ZNF638: variants seen among roughly 807,000 people sequenced by gnomAD.
The protein encoded by ZNF638 is CTCL tumor antigen se33-1.
ZNF638 carries 46 observed loss-of-function variants against 195.6 expected under a neutral mutation model. The observed-to-expected ratio is 0.24, with a 90% CI of 0.19 to 0.30. The LOEUF (loss-of-function observed/expected upper bound fraction) is 0.30. Among genes scored for constraint, ZNF638 ranks in the 10% least tolerant of loss-of-function variants. ZNF638 has a pLI of 1.00. For missense variants in ZNF638, 2,440 were observed against 2,325.3 expected (o/e 1.05, Z -1.01); for synonymous variants, 845 against 772.0 (o/e 1.09, Z -1.57).
intron 10 of ZNF638, among the ~76,000 whole-genome samples, chr2:71,384,761 C>G (rs2079604465): frequency 6.6e-6 from 1 of 151,872 alleles, no homozygotes; most frequent in African/African-American, 2.4e-5. Context: ...CTTTTCAGTT[C>G]CCAGCTGAAA....
Position 71,423,633 on chromosome 2 carries a change from T to A in ZNF638, c.4119T>A (p.Pro1373=), listed in dbSNP as rs763932879. 1.2e-6 allele frequency: 2 copies of A among 1,613,716 alleles called. No homozygotes were observed. The highest frequency in any genetic ancestry group is 2.7e-5 in the African/African-American group (2 of 74,868). ...PNKGVGQANK[P]DETSKTSILA... ...AAGGAGTGGGTCAGGCTAATAAGCC[T>A]GATGAAACTAGTAAAACTAGTATTC... is the stretch of plus-strand genomic sequence containing the variant. The change falls in exon 22 of 28, where the codon CCT becomes CCA. Residue 1373 remains proline, a synonymous_variant. Coordinates refer to ENST00000264447, the MANE Select transcript of ZNF638 (RefSeq NM_014497.5).
In ZNF638 at chr2:71,433,190, T is replaced by C. The variant is rs1465985894; in HGVS notation, c.5778T>C (p.Ala1926=). The C allele has an allele frequency of 6.2e-7, 1 of 1,613,478 alleles. No individual in the cohort carries two copies. The highest frequency in any genetic ancestry group is 1.3e-5 in the African/African-American group (1 of 74,938). ...AATTAGACTTTCTTGTACCTAAGGC[T>C]GGATTCTTCTGTCCAATTTGTTCCC... is the stretch of plus-strand genomic sequence containing the variant. ...PEELDFLVPK[A]GFFCPICSLF... Residue 1926 remains alanine, a synonymous_variant, in exon 27 of 28, where the codon GCT becomes GCC. Coordinates refer to ENST00000264447, the MANE Select transcript of ZNF638 (RefSeq NM_014497.5).
chr2:71,350,374 G>T (rs1043278362), intron 2 of ZNF638, 103 bp downstream of exon 2: 2 of 1,196,838 alleles, frequency 1.7e-6, no homozygotes, highest in Non-Finnish European at 2.3e-6. Flanking sequence ...TAAGGAAATG[G>T]CAGAAGGTAA....
intron 10 of ZNF638, chr2:71,395,531 T>C: frequency 1.6e-6 from 1 of 616,276 alleles, no homozygotes; most frequent in South Asian, 1.9e-5. Context: ...AAGGAATTTA[T>C]CTAGACGAGT....
At chr2:71,361,643 A>T (rs2104256924) in intron 3 of ZNF638, 1 of 152,278 alleles carries the variant, frequency 6.6e-6, no homozygotes, top group Non-Finnish European at 1.5e-5. Context: ...TTGTCTTCAC[A>T]GTTTGTCCTC....
chr2:71,401,731 A>G lies in ZNF638; in HGVS notation c.2698-225A>G, dbSNP rs1281082145. On this transcript the variant is annotated intron_variant, in intron 15 of 27. Coordinates refer to ENST00000264447, the MANE Select transcript of ZNF638 (RefSeq NM_014497.5). The stretch of plus-strand genomic sequence containing the variant: ...GAGTCCAGCAGACCTCGACTAGATG[A>G]CAGATGGTATAACTACAATTAGTCT... Among the ~76,000 whole-genome samples the G allele has an allele frequency of 2.0e-5, 3 of 151,940 alleles. No homozygotes were observed. In the East Asian group the frequency reaches 5.8e-4, roughly 29 times the overall value.
rs182186891 is a variant in ZNF638 at position 71,403,367 on chromosome 2, G to A, written c.2830-503G>A. ...TTTCAACCTCTTTACTTACCAAGGTGTGAAAATTAAAAGCAAAATGTATGG... is the reference window on the plus strand; with the variant it reads ...TTTCAACCTCTTTACTTACCAAGGTATGAAAATTAAAAGCAAAATGTATGG... On this transcript the variant is annotated intron_variant, in intron 16 of 27. Transcript: ENST00000264447. 1.1e-4 allele frequency among the ~76,000 whole-genome samples: 16 copies of A among 152,176 alleles called. No homozygotes were observed. In the East Asian group the frequency reaches 2.5e-3, roughly 24 times the overall value.
At chr2:71,399,785 G>A (rs1051015372) in intron 13 of ZNF638, 140 bp downstream of exon 13, 1 of 699,182 alleles carries the variant, frequency 1.4e-6, no homozygotes, top group African/African-American at 1.8e-5. Context: ...TCATCACCCA[G>A]ATATTAAGCC....
chr2:71,406,041 T>G, intron 18 of ZNF638, 87 bp from the exon 19 acceptor site: 1 of 1,477,970 alleles, frequency 6.8e-7, no homozygotes, highest in Non-Finnish European at 9.3e-7. Context: ...TCATCTGACC[T>G]CTGTAATAGT....
intron 8 of ZNF638, among the ~76,000 whole-genome samples, chr2:71,372,916 C>A (rs2079340832): frequency 6.6e-6 from 1 of 152,144 alleles, no homozygotes; most frequent in African/African-American, 2.4e-5. Context: ...ATTACCAATT[C>A]CTTACTGATT....
chr2:71,345,183 A>T (rs557908909), intron 1 of ZNF638, among the ~76,000 whole-genome samples: 1 of 152,184 alleles, frequency 6.6e-6, no homozygotes, highest in African/African-American at 2.4e-5. Context: ...TATCACAGGT[A>T]TGGATATATA....
rs1486471052 is a variant in ZNF638, at chr2:71,370,603, C to T, written c.2265+598C>T. ...AGTAAAAAGCTATATGTATATCTCA[C>T]CTGTAAGGTTTTCTTTGTGTATGTG... On this transcript the variant is annotated intron_variant, in intron 8 of 27. Transcript: ENST00000264447. Among the ~76,000 whole-genome samples the T allele has an allele frequency of 3.3e-5, 5 of 151,952 alleles. No individual in the cohort carries two copies. The South Asian group carries it at 8.3e-4, about 25-fold the overall frequency.
At chr2:71,382,007 A>T (rs1428780775) in intron 10 of ZNF638, among the ~76,000 whole-genome samples, 2 of 152,132 alleles carry the variant, frequency 1.3e-5, no homozygotes, top group African/African-American at 2.4e-5. Flanking sequence ...GATGTGAAAA[A>T]GGTTAATTTA....
intron 21 of ZNF638, among the ~76,000 whole-genome samples, chr2:71,420,579 G>C (rs1403637394): frequency 6.6e-6 from 1 of 152,182 alleles, no homozygotes; most frequent in Non-Finnish European, 1.5e-5. Flanking sequence ...TTTTTCTGAA[G>C]GCTGTGAAAT....
intron 23 of ZNF638, among the ~76,000 whole-genome samples, chr2:71,426,005 A>G (rs978773811): frequency 6.6e-6 from 1 of 152,172 alleles, no homozygotes; most frequent in Admixed American, 6.5e-5. Context: ...TGTGTAATCA[A>G]TATATACTGA....
chr2:71,376,485 C>T (rs372778433), intron 8 of ZNF638, among the ~76,000 whole-genome samples: 1 of 152,126 alleles, frequency 6.6e-6, no homozygotes, highest in Non-Finnish European at 1.5e-5. Context: ...TCAAGTTTTT[C>T]TACCAGTGCA....
At chr2:71,385,232 A>C (rs2079612805) in intron 10 of ZNF638, among the ~76,000 whole-genome samples, 1 of 152,218 alleles carries the variant, frequency 6.6e-6, no homozygotes, top group African/African-American at 2.4e-5. Context: ...TGACAGTTTA[A>C]CTTAACAAAA....
At chr2:71,355,174 T>TA (rs1473075540) in intron 2 of ZNF638, among the ~76,000 whole-genome samples, 2 of 152,066 alleles carry the variant, frequency 1.3e-5, no homozygotes, top group Non-Finnish European at 2.9e-5. Context: ...TTCACAGTAG[T>TA]GTCGATCTCC....
At chr2:71,388,539 C>T (rs1369494415) in intron 10 of ZNF638, 5 of 723,776 alleles carry the variant, frequency 6.9e-6, no homozygotes, top group East Asian at 2.7e-5. Context: ...CTCTCTTCGG[C>T]GTCTCTAAGG....
Sources: gnomAD v4.1 joint callset for allele counts (sites outside exome capture counted in the v4.1 genomes callset) on GRCh38, gnomAD v4.1.1 for gene constraint, MANE v1.5 for transcripts, NCBI Gene and HGNC (gene_info 2026-07-23, HGNC 2026-07-21) for gene names.